Variants in ASB4 observed in about 807,000 individuals in gnomAD.
ASB4 encodes the protein ankyrin repeat and SOCS box containing 4.
In ASB4, 35 loss-of-function variants were observed where a neutral mutation model predicts 38.6. The observed-to-expected ratio is 0.91, with a 90% CI of 0.69 to 1.20. The LOEUF is 1.20. Among genes scored for constraint, ASB4 ranks in the 50% most tolerant of loss-of-function variants. ASB4 has a pLI of 0.00. For missense variants in ASB4, 557 were observed against 527.2 expected (o/e 1.06, Z -0.55); for synonymous variants, 195 against 201.3 (o/e 0.97, Z 0.26).
intron 2 of ASB4, among the ~76,000 whole-genome samples, chr7:95,498,900 A>C (rs915341933): frequency 6.6e-6 from 1 of 152,212 alleles, no homozygotes; most frequent in African/African-American, 2.4e-5. Context: ...GTTGAAAAGA[A>C]TATTCTTTCA....
chr7:95,536,298 C>T, intron 3 of ASB4, 139 bp from the exon 4 acceptor site: 1 of 553,336 alleles, frequency 1.8e-6, no homozygotes, highest in Non-Finnish European at 3.2e-6. Context: ...AATCCTCCTG[C>T]CTCAGTCTCC....
At chr7:95,545,038 C>CT (rs10678864), downstream of ASB4, among the ~76,000 whole-genome samples, 4,893 of 147,576 alleles carry the variant, frequency 0.033, 252 homozygotes, top group African/African-American at 0.11. Flanking sequence ...AAAGATCCAG[C>CT]TTTTTTTTTT....
At chr7:95,536,064 G>T (rs976940147) in intron 3 of ASB4, among the ~76,000 whole-genome samples, 1 of 152,160 alleles carries the variant, frequency 6.6e-6, no homozygotes, top group African/African-American at 2.4e-5. Flanking sequence ...CTTTGTTAGT[G>T]CCTCTTTTTC....
At chr7:95,531,893 T>C (rs538906891) in intron 3 of ASB4, among the ~76,000 whole-genome samples, 2 of 152,308 alleles carry the variant, frequency 1.3e-5, no homozygotes, top group Admixed American at 6.5e-5. Flanking sequence ...ACTTTGTCCA[T>C]GGTTAGCATT....
At chr7:95,540,503 C>T (rs917086667), downstream of ASB4, among the ~76,000 whole-genome samples, 5 of 152,214 alleles carry the variant, frequency 3.3e-5, no homozygotes, top group African/African-American at 1.2e-4. Flanking sequence ...TTCTCCTCTG[C>T]CTCTCACCAT....
At chr7:95,475,892 A>C (rs1463468476), upstream of ASB4, among the ~76,000 whole-genome samples, 1 of 152,200 alleles carries the variant, frequency 6.6e-6, no homozygotes, top group Non-Finnish European at 1.5e-5. Flanking sequence ...GTTAAGATTT[A>C]TGGGGTGCCT....
At chr7:95,524,568 G>A (rs1323267863) in intron 2 of ASB4, among the ~76,000 whole-genome samples, 2 of 151,928 alleles carry the variant, frequency 1.3e-5, no homozygotes, top group Non-Finnish European at 2.9e-5. Flanking sequence ...CGAATTGTGC[G>A]CCACCCCCCA....
intron 2 of ASB4, among the ~76,000 whole-genome samples, chr7:95,522,271 C>G (rs1372376601): frequency 6.6e-6 from 1 of 151,996 alleles, no homozygotes; most frequent in Admixed American, 6.6e-5. Flanking sequence ...TAGAACTTTA[C>G]CAATAATTTT....
chr7:95,536,711 A>C (rs1790894936), intron 4 of ASB4, among the ~76,000 whole-genome samples, 161 bp downstream of exon 4: 1 of 152,212 alleles, frequency 6.6e-6, no homozygotes, highest in African/African-American at 2.4e-5. Context: ...TTTGAGAGTT[A>C]ATATTTCCAT....
the ASB4 span, among the ~76,000 whole-genome samples, chr7:95,545,628 T>G: frequency 6.6e-6 from 1 of 152,228 alleles, no homozygotes; most frequent in Non-Finnish European, 1.5e-5. Context: ...TTTGTTTTTG[T>G]TTTGCTTCTT....
At chr7:95,474,952 A>G (rs1173801483), upstream of ASB4, among the ~76,000 whole-genome samples, 1 of 152,238 alleles carries the variant, frequency 6.6e-6, no homozygotes, top group Non-Finnish European at 1.5e-5. Context: ...AACAGTAATT[A>G]AGGAGGAGGG....
intron 2 of ASB4, among the ~76,000 whole-genome samples, chr7:95,523,471 T>G (rs983968700): frequency 6.6e-6 from 1 of 152,228 alleles, no homozygotes; most frequent in South Asian, 2.1e-4. Flanking sequence ...AGAGAAAGTG[T>G]CTAAACTCTA....
chr7:95,535,965 A>T (rs1790883932), intron 3 of ASB4, among the ~76,000 whole-genome samples: 1 of 152,242 alleles, frequency 6.6e-6, no homozygotes, highest in African/African-American at 2.4e-5. Context: ...AGAGTTTCCC[A>T]GGCAGCTGGG....
chr7:95,501,659 C>T (rs1232431846), intron 2 of ASB4, among the ~76,000 whole-genome samples: 1 of 152,200 alleles, frequency 6.6e-6, no homozygotes, highest in African/African-American at 2.4e-5. Flanking sequence ...GTGGCCTTTT[C>T]ATGTGACTTC....
intron 1 of ASB4, among the ~76,000 whole-genome samples, chr7:95,486,411 A>G (rs1345684721): frequency 6.6e-6 from 1 of 152,182 alleles, no homozygotes; most frequent in African/African-American, 2.4e-5. Context: ...AATCATTTTT[A>G]GCAATGCACT....
In ASB4 at chr7:95,537,593, C is replaced by A. The variant is rs530868356; in HGVS notation, c.1115C>A (p.Ser372Tyr). ...DLEKYWDFYHSLFTVCCNSPR... is the reference protein window; with the variant it reads ...DLEKYWDFYHYLFTVCCNSPR... ...CAGAAATACTGGGATTTTTACCACT[C>A]TCTCTTTACTGTGTGCTGTAACTCT... Residue 372 changes from serine (S) to tyrosine (Y), a missense_variant, in exon 5 of 5, where the codon TCT becomes TAT. By Grantham distance (144) the Ser-to-Tyr change is moderately radical (BLOSUM62 -2). Coordinates refer to ENST00000325885, the MANE Select transcript of ASB4 (RefSeq NM_016116.3). 11 of 1,597,660 alleles carry A rather than the reference C, an allele frequency of 6.9e-6. No individual in the cohort carries two copies. The highest frequency in any genetic ancestry group is 3.5e-5 in the Admixed American group (2 of 57,360).
At chr7:95,488,185 C>CA (rs2116576531) in intron 1 of ASB4, among the ~76,000 whole-genome samples, 1 of 152,156 alleles carries the variant, frequency 6.6e-6, no homozygotes, top group East Asian at 1.9e-4. Flanking sequence ...ACTAAAAATA[C>CA]AAAAAATTAG....
At chr7:95,483,914 A>T (rs972737699), upstream of ASB4, among the ~76,000 whole-genome samples, 3 of 152,136 alleles carry the variant, frequency 2.0e-5, no homozygotes, top group Non-Finnish European at 2.9e-5. Context: ...TTGGGAGCCA[A>T]TCCCTTGGTT....
At chr7:95,546,150 A>G in the ASB4 span, among the ~76,000 whole-genome samples, 1 of 152,186 alleles carries the variant, frequency 6.6e-6, no homozygotes, top group Non-Finnish European at 1.5e-5. Context: ...TTAACTTTTA[A>G]TAAATTGCAA....
Sources: gnomAD v4.1 joint callset for allele counts (sites outside exome capture counted in the v4.1 genomes callset) on GRCh38, gnomAD v4.1.1 for gene constraint, MANE v1.5 for transcripts, NCBI Gene and HGNC (gene_info 2026-07-23, HGNC 2026-07-21) for gene names.